NRXN1: variants seen among roughly 807,000 people sequenced by gnomAD.
The protein encoded by NRXN1 is neurexin-1.
A neutral mutation model predicts 150.9 loss-of-function variants in NRXN1; 39 were observed. That is an observed-to-expected ratio of 0.26 (90% CI 0.20 to 0.34). The LOEUF (loss-of-function observed/expected upper bound fraction) is 0.34. NRXN1 is among the 10% of genes least tolerant of loss of function. The pLI is 1.00. For synonymous variants in NRXN1, 924 were observed against 757.0 expected (o/e 1.22, Z -3.62); for missense variants, 1,815 against 1,949.9 (o/e 0.93, Z 1.30).
At chr2:50,908,342 T>C (rs1460432470) in intron 5 of NRXN1, among the ~76,000 whole-genome samples, 1 of 147,538 alleles carries the variant, frequency 6.8e-6, no homozygotes, top group Non-Finnish European at 1.5e-5. Flanking sequence ...CTGACAAAAA[T>C]ACATACACAC....
At chr2:50,588,571 T>C (rs1673554721) in intron 8 of NRXN1, 1 of 152,218 alleles carries the variant, frequency 6.6e-6, no homozygotes, top group Admixed American at 6.5e-5. Flanking sequence ...GTTATAGTAT[T>C]TCTGTTCTAG....
At chr2:50,656,534 A>G in intron 5 of NRXN1, 1 of 586,156 alleles carries the variant, frequency 1.7e-6, no homozygotes, top group Non-Finnish European at 3.1e-6. Flanking sequence ...TATCCCCTAA[A>G]TAATATTTAT....
intron 2 of NRXN1, among the ~76,000 whole-genome samples, chr2:50,939,600 A>T (rs1303130583): frequency 1.3e-5 from 2 of 152,144 alleles, no homozygotes; most frequent in Non-Finnish European, 2.9e-5. Context: ...TTCAAGAATA[A>T]GCAAGGTATT....
At chr2:50,576,048 A>C (rs1024215307) in intron 8 of NRXN1, among the ~76,000 whole-genome samples, 3 of 152,178 alleles carry the variant, frequency 2.0e-5, no homozygotes, top group African/African-American at 7.2e-5. Context: ...GAGGGGGAGA[A>C]AGAAAGAAAC....
In NRXN1 at chr2:50,180,191, T is replaced by TA. The variant is rs546943097; in HGVS notation, c.3546+56597dup. Among the ~76,000 whole-genome samples the TA allele has an allele frequency of 5.7e-3, 853 of 148,964 alleles. 6 individuals are homozygous for TA. The highest frequency in any genetic ancestry group is 0.019 in the African/African-American group (757 of 40,814). On this transcript the variant is annotated intron_variant, in intron 18 of 22. Coordinates refer to ENST00000401669, the MANE Select transcript of NRXN1 (RefSeq NM_001330078.2). ...GCGGTGCCCCCACATCTGGCTAATT[T>TA]AAAAAAAAAAATTTGTAGAGACACG...
chr2:50,810,875 G>T (rs2105761154), intron 5 of NRXN1, among the ~76,000 whole-genome samples: 1 of 152,140 alleles, frequency 6.6e-6, no homozygotes, highest in South Asian at 2.1e-4. Flanking sequence ...AGCTACTCGG[G>T]AGGCTGAGGC....
At chr2:50,335,623 G>A (rs1214918300) in intron 17 of NRXN1, among the ~76,000 whole-genome samples, 1 of 152,158 alleles carries the variant, frequency 6.6e-6, no homozygotes, top group Non-Finnish European at 1.5e-5. Context: ...TGCAGCAATA[G>A]CCTTGACAGT....
chr2:50,360,391 T>C (rs953545172), intron 17 of NRXN1, among the ~76,000 whole-genome samples: 1 of 152,002 alleles, frequency 6.6e-6, no homozygotes, highest in African/African-American at 2.4e-5. Flanking sequence ...ACATATAGGC[T>C]CAAAATAAAA....
intron 5 of NRXN1, among the ~76,000 whole-genome samples, chr2:50,857,776 C>T (rs1458936992): frequency 2.0e-5 from 3 of 151,890 alleles, no homozygotes; most frequent in South Asian, 4.2e-4. Context: ...TTTAATTTAG[C>T]ATCTAATACT....
chr2:50,467,315 C>T (rs1487055380), intron 16 of NRXN1, among the ~76,000 whole-genome samples: 2 of 151,530 alleles, frequency 1.3e-5, no homozygotes, highest in African/African-American at 4.8e-5. Flanking sequence ...GGAATACAGT[C>T]TACCTAAATA....
intron 5 of NRXN1, among the ~76,000 whole-genome samples, chr2:50,794,867 C>A (rs1375537527): frequency 2.6e-5 from 4 of 152,008 alleles, no homozygotes; most frequent in Non-Finnish European, 4.4e-5. Context: ...AATATTATGG[C>A]TGAAAACATT....
At chr2:50,163,146 GATCT>G (rs10585051) in intron 18 of NRXN1, among the ~76,000 whole-genome samples, 35,653 of 133,710 alleles carry the variant, frequency 0.27, 5,251 homozygotes, top group East Asian at 0.43. Flanking sequence ...AACAGTTATA[GATCT>G]ATCAATCCAA....
At chr2:50,927,864 C>G (rs1469504619) in intron 2 of NRXN1, among the ~76,000 whole-genome samples, 1 of 151,524 alleles carries the variant, frequency 6.6e-6, no homozygotes, top group Non-Finnish European at 1.5e-5. Context: ...TAAAGTGTGG[C>G]CTAAAACTAC....
At chr2:50,953,559 T>A (rs1691766771) in intron 2 of NRXN1, among the ~76,000 whole-genome samples, 1 of 150,824 alleles carries the variant, frequency 6.6e-6, no homozygotes, top group Non-Finnish European at 1.5e-5. Context: ...AGTGACAATT[T>A]TTTTTTTTTT....
chr2:50,593,404 T>C (rs929582810), intron 8 of NRXN1, among the ~76,000 whole-genome samples: 4 of 152,238 alleles, frequency 2.6e-5, no homozygotes, highest in South Asian at 2.1e-4. Context: ...CAAGCATGTA[T>C]ATTTCTCTCA....
chr2:50,940,102 C>T (rs553122620), intron 2 of NRXN1, among the ~76,000 whole-genome samples: 1 of 152,100 alleles, frequency 6.6e-6, no homozygotes, highest in East Asian at 1.9e-4. Context: ...TTATGGCTCC[C>T]GAAATTGTGG....
chr2:50,615,727 G>C (rs1678951944), intron 8 of NRXN1: 1 of 152,128 alleles, frequency 6.6e-6, no homozygotes, highest in Non-Finnish European at 1.5e-5. Context: ...TTTCCAAGTG[G>C]TCTAAGGTAA....
At chr2:49,945,126 T>G (rs1672665960) in intron 21 of NRXN1, 1 of 152,152 alleles carries the variant, frequency 6.6e-6, no homozygotes, top group African/African-American at 2.4e-5. Flanking sequence ...TAAATAGCAT[T>G]GGAGATGGTT....
intron 5 of NRXN1, among the ~76,000 whole-genome samples, chr2:50,684,176 T>C (rs1208945374): frequency 6.6e-6 from 1 of 152,190 alleles, no homozygotes; most frequent in Non-Finnish European, 1.5e-5. Context: ...AGATTTCATA[T>C]GAATGATAAA....
Sources: allele counts gnomAD v4.1 joint callset (sites outside exome capture counted in the v4.1 genomes callset), GRCh38; gene constraint gnomAD v4.1.1; transcripts MANE v1.5; gene names NCBI Gene and HGNC (gene_info 2026-07-23, HGNC 2026-07-21).